Variants in PLD5 observed in about 807,000 individuals in gnomAD.
PLD5 encodes the protein phospholipase D family member 5, also known as inactive phospholipase D5.
In PLD5, 36 loss-of-function variants were observed where a neutral mutation model predicts 61.1. That is an observed-to-expected ratio of 0.59 (90% confidence interval 0.45 to 0.78). The LOEUF (loss-of-function observed/expected upper bound fraction) is 0.78, where lower values mean the gene tolerates loss of function less well. Among genes scored for constraint, PLD5 ranks in the 30% least tolerant of loss-of-function variants. The pLI is 0.00. For synonymous variants in PLD5, 243 were observed against 242.8 expected, an observed-to-expected ratio of 1.00 and a Z score of -0.01; for missense variants, 515 against 644.4, an observed-to-expected ratio of 0.80 and a Z score of 2.17.
At chr1:242,103,403 A>G (rs1255611888) in intron 8 of PLD5, among the ~76,000 whole-genome samples, 1 of 152,176 alleles carries the variant, frequency 6.6e-6, no homozygotes, top group African/African-American at 2.4e-5. Flanking sequence ...TTGTTCATGC[A>G]TGCACTCATT....
intron 5 of PLD5, among the ~76,000 whole-genome samples, chr1:242,194,089 C>A (rs1484979338): frequency 6.6e-6 from 1 of 152,132 alleles, no homozygotes; most frequent in Admixed American, 6.5e-5. Flanking sequence ...TCCCCATGGG[C>A]ATTCTAGGTA....
chr1:242,176,968 C>T (rs1258072980), intron 5 of PLD5, among the ~76,000 whole-genome samples: 1 of 152,192 alleles, frequency 6.6e-6, no homozygotes, highest in Non-Finnish European at 1.5e-5. Flanking sequence ...AGCTTGCACA[C>T]TGTTGGTGGG....
At chr1:242,297,228 C>T (rs996094462) in intron 2 of PLD5, among the ~76,000 whole-genome samples, 7 of 151,768 alleles carry the variant, frequency 4.6e-5, no homozygotes, top group Middle Eastern at 3.4e-3. Context: ...CCTGTAGTCC[C>T]AGCTATTCAG....
chr1:242,490,052 G>A (rs1374758342), intron 1 of PLD5, among the ~76,000 whole-genome samples: 1 of 152,198 alleles, frequency 6.6e-6, no homozygotes, highest in Non-Finnish European at 1.5e-5. Context: ...AAATGGGAAT[G>A]GCAGTCCCGT....
chr1:242,180,264 A>C (rs1195670369), intron 5 of PLD5, among the ~76,000 whole-genome samples: 1 of 152,132 alleles, frequency 6.6e-6, no homozygotes, highest in East Asian at 1.9e-4. Flanking sequence ...TATGTGTAAA[A>C]TATCAATATA....
chr1:242,423,215 C>A (rs1339194589), intron 1 of PLD5, among the ~76,000 whole-genome samples: 1 of 151,988 alleles, frequency 6.6e-6, no homozygotes, highest in Non-Finnish European at 1.5e-5. Flanking sequence ...TTTATAGCCA[C>A]AAATCAAAAC....
intron 1 of PLD5, among the ~76,000 whole-genome samples, chr1:242,513,600 C>T (rs1380284027): frequency 6.6e-6 from 1 of 152,148 alleles, no homozygotes; most frequent in Non-Finnish European, 1.5e-5. Context: ...GGCCAAAGGC[C>T]CACTCATATA....
At chr1:242,430,854 T>A (rs1326139106) in intron 1 of PLD5, among the ~76,000 whole-genome samples, 2 of 152,128 alleles carry the variant, frequency 1.3e-5, no homozygotes, top group East Asian at 3.9e-4. Context: ...CTAGATGAAG[T>A]CTGAACATGT....
At chr1:242,413,656 T>G (rs1223454785) in intron 1 of PLD5, among the ~76,000 whole-genome samples, 1 of 152,186 alleles carries the variant, frequency 6.6e-6, no homozygotes, top group Non-Finnish European at 1.5e-5. Flanking sequence ...GGGCTGGAGT[T>G]GTGCAGTTGA....
intron 1 of PLD5, among the ~76,000 whole-genome samples, chr1:242,357,536 A>T (rs1441580058): frequency 2.7e-5 from 4 of 146,428 alleles, no homozygotes; most frequent in African/African-American, 1.0e-4. Context: ...CCCAGGCTGG[A>T]GTGCAATGGC....
At chr1:242,425,868 C>T (rs1240633580) in intron 1 of PLD5, among the ~76,000 whole-genome samples, 1 of 152,016 alleles carries the variant, frequency 6.6e-6, no homozygotes, top group Non-Finnish European at 1.5e-5. Context: ...TGGTCTCGAT[C>T]TCCTGACCTT....
At chr1:242,469,661 C>T (rs1667379172) in intron 1 of PLD5, among the ~76,000 whole-genome samples, 1 of 152,136 alleles carries the variant, frequency 6.6e-6, no homozygotes, top group African/African-American at 2.4e-5. Context: ...CAGACACAAG[C>T]CACTATGCCC....
intron 5 of PLD5, among the ~76,000 whole-genome samples, chr1:242,194,627 T>TA (rs1392082044): frequency 8.0e-6 from 1 of 125,402 alleles, no homozygotes; most frequent in African/African-American, 2.9e-5. Context: ...TGTATCTATC[T>TA]ATCTATCTAT....
chr1:242,202,537 T>A (rs1446454390), intron 5 of PLD5, among the ~76,000 whole-genome samples: 1 of 152,128 alleles, frequency 6.6e-6, no homozygotes, highest in Admixed American at 6.5e-5. Context: ...GAAGGGACCA[T>A]CCAGCCCATG....
intron 6 of PLD5, among the ~76,000 whole-genome samples, chr1:242,124,067 C>G (rs1662590027): frequency 1.3e-5 from 2 of 152,142 alleles, no homozygotes; most frequent in South Asian, 2.1e-4. Flanking sequence ...TCTGAAAAAT[C>G]AATGTAGGGC....
intron 8 of PLD5, among the ~76,000 whole-genome samples, chr1:242,104,518 G>A (rs1412752036): frequency 6.6e-6 from 1 of 152,124 alleles, no homozygotes; most frequent in Non-Finnish European, 1.5e-5. Context: ...AGACGCCATG[G>A]AGACATGTTT....
In PLD5 at chr1:242,250,448, G is replaced by A. The variant is rs186109941; in HGVS notation, c.607+14889C>T. 8.3e-3 allele frequency among the ~76,000 whole-genome samples: 1,264 copies of A among 152,198 alleles called. 8 individuals carry two copies. The highest frequency in any genetic ancestry group is 0.014 in the Non-Finnish European group (930 of 68,008). ...CTCAGCTTGGAGGGAGGTGGGAGAGGCCTCCTGGGGAAACCTTGATGAGAA... is the reference window on the plus strand; with the variant it reads ...CTCAGCTTGGAGGGAGGTGGGAGAGACCTCCTGGGGAAACCTTGATGAGAA... On this transcript the variant is annotated intron_variant, in intron 4 of 9. Transcript: ENST00000536534.
chr1:242,201,280 G>C (rs1668968210), intron 5 of PLD5, among the ~76,000 whole-genome samples: 1 of 152,154 alleles, frequency 6.6e-6, no homozygotes, highest in Admixed American at 6.5e-5. Context: ...ATAGATGCTT[G>C]AGCTGCAACA....
chr1:242,329,824 C>T (rs1659059683), intron 2 of PLD5, among the ~76,000 whole-genome samples: 1 of 152,138 alleles, frequency 6.6e-6, no homozygotes, highest in Non-Finnish European at 1.5e-5. Context: ...CTAATCCCTA[C>T]TGAAACCCTA....
Sources: gnomAD v4.1 joint callset for allele counts (sites outside exome capture counted in the v4.1 genomes callset) on GRCh38, gnomAD v4.1.1 for gene constraint, MANE v1.5 for transcripts, NCBI Gene and HGNC (gene_info 2026-07-23, HGNC 2026-07-21) for gene names.